The following STAU2 variants were observed in gnomAD, a reference collection of about 807,000 sequenced individuals.
STAU2 encodes the protein staufen double-stranded RNA binding protein 2, also known as double-stranded RNA-binding protein Staufen homolog 2.
In STAU2, 20 loss-of-function variants were observed where a neutral mutation model predicts 65.9. The observed-to-expected ratio is 0.30, with a 90% confidence interval of 0.21 to 0.44. The LOEUF is 0.44. Ranked by LOEUF, STAU2 falls within the 20% of genes least tolerant of loss-of-function variation. The probability of loss-of-function intolerance (pLI) is 1.00; values close to 1 mark genes in which losing one functional copy is unlikely to be tolerated. For synonymous variants in STAU2, 232 were observed against 233.9 expected, an observed-to-expected ratio of 0.99 and a Z score of 0.07; for missense variants, 558 against 683.9, an observed-to-expected ratio of 0.82 and a Z score of 2.05.
intron 13 of STAU2, among the ~76,000 whole-genome samples, chr8:73,436,727 C>G (rs1007939210): frequency 1.3e-5 from 2 of 152,010 alleles, no homozygotes; most frequent in African/African-American, 4.8e-5. Context: ...ACTGAGATTA[C>G]AGGCATGCAC....
intron 6 of STAU2, among the ~76,000 whole-genome samples, chr8:73,667,315 C>T (rs1226089245): frequency 6.6e-6 from 1 of 152,126 alleles, no homozygotes; most frequent in Non-Finnish European, 1.5e-5. Context: ...TAAAATCCTT[C>T]AATGACTCCC....
At chr8:73,584,342 T>C (rs1382176186) in intron 11 of STAU2, among the ~76,000 whole-genome samples, 5 of 152,218 alleles carry the variant, frequency 3.3e-5, no homozygotes, top group East Asian at 3.8e-4. Flanking sequence ...GAAATTACTA[T>C]GTAATAAAAT....
At chr8:73,709,745 T>G (rs974864577) in intron 3 of STAU2, among the ~76,000 whole-genome samples, 1 of 152,036 alleles carries the variant, frequency 6.6e-6, no homozygotes. Flanking sequence ...CCCATGTACC[T>G]AACACCCAGT....
At chr8:73,519,942 C>G (rs1822952673) in intron 13 of STAU2, among the ~76,000 whole-genome samples, 1 of 152,150 alleles carries the variant, frequency 6.6e-6, no homozygotes, top group African/African-American at 2.4e-5. Flanking sequence ...TCAAAGGAAG[C>G]AGAGTTTTAA....
Position 73,739,760 on chromosome 8 carries a change from T to C in STAU2, c.-88A>G. 1 of 1,515,850 alleles carries C rather than the reference T, an allele frequency of 6.6e-7. No individual in the cohort carries two copies. The highest frequency in any genetic ancestry group is 8.8e-7 in the Non-Finnish European group (1 of 1,140,950). The allele number at this position is 1,515,850 out of a possible 1,614,324, so 93.9% of individuals were successfully genotyped here. On this transcript the variant is annotated 5_prime_UTR_variant, in exon 2 of 15. Coordinates refer to ENST00000524300, the MANE Select transcript of STAU2 (RefSeq NM_001164380.2). ...AGTCAAAGTTCTTCAGATTACCTTC[T>C]GAGCCTTGGTTCAAATTACTTTGTG...
chr8:73,438,939 C>T (rs1817915610), intron 13 of STAU2: 1 of 456,704 alleles, frequency 2.2e-6, no homozygotes, highest in Non-Finnish European at 4.4e-6. Context: ...TAGGAGGACA[C>T]ATTTGGACCT....
chr8:73,626,074 T>TAC (rs57076627), intron 6 of STAU2, among the ~76,000 whole-genome samples: 29,993 of 145,980 alleles, frequency 0.21, 2,981 homozygotes, highest in East Asian at 0.38. Context: ...TAAGTACACA[T>TAC]ACACACACAC....
chr8:73,487,393 T>C (rs1820969738), intron 13 of STAU2, among the ~76,000 whole-genome samples: 1 of 152,060 alleles, frequency 6.6e-6, no homozygotes, highest in African/African-American at 2.4e-5. Flanking sequence ...TGGAAATTAA[T>C]AAGAAAGTGA....
intron 10 of STAU2, among the ~76,000 whole-genome samples, chr8:73,601,723 T>C (rs1040453702): frequency 1.3e-5 from 2 of 152,230 alleles, no homozygotes; most frequent in African/African-American, 4.8e-5. Flanking sequence ...TTGACTAGAA[T>C]GTTTATGAAT....
At chr8:73,425,767 G>T (rs183360192) in intron 13 of STAU2, among the ~76,000 whole-genome samples, 130 of 152,072 alleles carry the variant, frequency 8.5e-4, no homozygotes, top group African/African-American at 3.0e-3. Context: ...ACATCTTGGC[G>T]CACGTCTTTC....
At chr8:73,537,415 A>G (rs1806252816) in intron 13 of STAU2, among the ~76,000 whole-genome samples, 1 of 152,222 alleles carries the variant, frequency 6.6e-6, no homozygotes, top group African/African-American at 2.4e-5. Flanking sequence ...AAAAACAAAC[A>G]AATCAACAGA....
At chr8:73,508,656 G>A (rs746169833) in intron 13 of STAU2, among the ~76,000 whole-genome samples, 12 of 152,052 alleles carry the variant, frequency 7.9e-5, no homozygotes, top group Non-Finnish European at 1.8e-4. Flanking sequence ...ACCTTCAACT[G>A]GTAAACAATG....
chr8:73,423,043 T>C (rs1267163756), intron 13 of STAU2, among the ~76,000 whole-genome samples: 1 of 152,226 alleles, frequency 6.6e-6, no homozygotes, highest in African/African-American at 2.4e-5. Context: ...CACATTCTCT[T>C]CTCTCAGGTG....
At chr8:73,501,687 T>C (rs7843151) in intron 13 of STAU2, among the ~76,000 whole-genome samples, 116,578 of 151,848 alleles carry the variant, frequency 0.77, 45,160 homozygotes, top group East Asian at 0.94. Flanking sequence ...CCTTACCCAT[T>C]AGAGAATTCA....
At chr8:73,450,329 A>G (rs984567097) in intron 13 of STAU2, among the ~76,000 whole-genome samples, 1 of 152,226 alleles carries the variant, frequency 6.6e-6, no homozygotes, top group African/African-American at 2.4e-5. Flanking sequence ...ACACATTTTT[A>G]TCTTATGTAG....
intron 14 of STAU2, 26 bp downstream of exon 14, chr8:73,422,588 A>G: frequency 1.4e-6 from 2 of 1,477,066 alleles, no homozygotes; most frequent in Non-Finnish European, 1.8e-6. Context: ...TAAAAGTGTA[A>G]GAATACTGAC....
At chr8:73,598,050 T>C (rs1477614479) in intron 10 of STAU2, among the ~76,000 whole-genome samples, 4 of 152,090 alleles carry the variant, frequency 2.6e-5, no homozygotes, top group African/African-American at 7.2e-5. Context: ...CTCATGAACA[T>C]AGATGCAAAA....
chr8:73,723,116 A>C (rs1049196483), intron 3 of STAU2, among the ~76,000 whole-genome samples: 1 of 151,926 alleles, frequency 6.6e-6, no homozygotes, highest in African/African-American at 2.4e-5. Flanking sequence ...ACCCACACAC[A>C]CACACACACA....
chr8:73,635,951 C>CACACACACACACA (rs35939277), intron 6 of STAU2, among the ~76,000 whole-genome samples: 4 of 54,672 alleles, frequency 7.3e-5, no homozygotes, highest in African/African-American at 2.2e-4. Context: ...CACACACACA[C>CACACACACACACA]CCCTGGAACC....
Sources: allele counts gnomAD v4.1 joint callset (sites outside exome capture counted in the v4.1 genomes callset), GRCh38; gene constraint gnomAD v4.1.1; transcripts MANE v1.5; gene names NCBI Gene and HGNC (gene_info 2026-07-23, HGNC 2026-07-21).